The following MYO3B variants were observed in gnomAD, a reference collection of about 807,000 sequenced individuals.
The protein encoded by MYO3B is myosin-IIIb.
In MYO3B, 156 loss-of-function variants were observed where a neutral mutation model predicts 174.6. The ratio of observed to expected loss-of-function variants is 0.89; its 90% CI spans 0.78 to 1.02. The LOEUF is 1.02. MYO3B is among the 50% of genes least tolerant of loss of function. MYO3B has a pLI of 0.00. For missense variants in MYO3B, 1,632 were observed against 1,639.4 expected, an observed-to-expected ratio of 1.00 and a Z score of 0.08; for synonymous variants, 563 against 569.1, an observed-to-expected ratio of 0.99 and a Z score of 0.15.
At chr2:170,338,707 A>T (rs1171608743) in intron 8 of MYO3B, among the ~76,000 whole-genome samples, 2 of 152,126 alleles carry the variant, frequency 1.3e-5, no homozygotes, top group East Asian at 3.9e-4. Context: ...GGATCAAATG[A>T]TTCTTGTGCC....
chr2:170,195,215 C>A (rs11888002), intron 1 of MYO3B, among the ~76,000 whole-genome samples: 49,182 of 151,674 alleles, frequency 0.32, 8,224 homozygotes, highest in Non-Finnish European at 0.38. Context: ...GCATGGAAAC[C>A]CATGGCTCCA....
chr2:170,369,685 ATT>A (rs56283055), intron 9 of MYO3B, among the ~76,000 whole-genome samples: 116,690 of 147,440 alleles, frequency 0.79, 46,449 homozygotes, highest in East Asian at 0.87. Flanking sequence ...AGAAATTTGG[ATT>A]TTTTTTTTTT....
chr2:170,372,144 A>AC (rs2094253491), intron 9 of MYO3B, among the ~76,000 whole-genome samples: 1 of 127,368 alleles, frequency 7.9e-6, no homozygotes, highest in Non-Finnish European at 1.7e-5. Flanking sequence ...AAAAAAAAAA[A>AC]ACAACAACAA....
At position 170,376,193 on chromosome 2, in the gene MYO3B, G is replaced by C. The variant is rs117308824; in HGVS notation, c.972-5823G>C. Reference sequence around the variant, plus strand: ...TGAAAGACATAGCCTTAAGTTCAGGGTCAAGATACAGCTCATGTAGTTAAA... The same window carrying C: ...TGAAAGACATAGCCTTAAGTTCAGGCTCAAGATACAGCTCATGTAGTTAAA... On this transcript the variant is annotated intron_variant, in intron 9 of 34. Coordinates refer to ENST00000408978, the MANE Select transcript of MYO3B (RefSeq NM_138995.5). Among the ~76,000 whole-genome samples, 664 of 152,202 alleles carry C rather than the reference G, an allele frequency of 4.4e-3. 19 individuals are homozygous for C. The East Asian group carries it at 0.083, about 19-fold the overall frequency.
intron 12 of MYO3B, among the ~76,000 whole-genome samples, chr2:170,385,475 A>C (rs1326561364): frequency 6.6e-6 from 1 of 152,216 alleles, no homozygotes; most frequent in Admixed American, 6.5e-5. Context: ...GCTCAGTGCC[A>C]GGAACCAGGG....
At chr2:170,444,085 C>A (rs773089502) in intron 23 of MYO3B, 39 bp downstream of exon 23, 42 of 1,553,916 alleles carry the variant, frequency 2.7e-5, no homozygotes, top group Non-Finnish European at 3.4e-5. Flanking sequence ...TATGGACTGG[C>A]AGGTACTCTT....
chr2:170,404,172 A>G (rs1050217030), intron 19 of MYO3B, 75 bp from the exon 20 acceptor site: 2 of 1,444,240 alleles, frequency 1.4e-6, no homozygotes, highest in African/African-American at 2.8e-5. Context: ...AGACCCAGAA[A>G]GTCCATGTCA....
chr2:170,566,342 T>G (rs1212889570), intron 32 of MYO3B, among the ~76,000 whole-genome samples: 3 of 152,226 alleles, frequency 2.0e-5, no homozygotes, highest in African/African-American at 7.2e-5. Flanking sequence ...CAAATAAAAA[T>G]TATGAGTTCT....
intron 32 of MYO3B, among the ~76,000 whole-genome samples, chr2:170,580,989 T>C (rs766985913): frequency 7.6e-4 from 115 of 152,316 alleles, no homozygotes; most frequent in Non-Finnish European, 1.3e-3. Context: ...TGTTCTTGTA[T>C]ATATCTCTTC....
chr2:170,231,898 T>C (rs2093019697), intron 6 of MYO3B, among the ~76,000 whole-genome samples: 1 of 152,228 alleles, frequency 6.6e-6, no homozygotes, highest in African/African-American at 2.4e-5. Flanking sequence ...GGTTATTTAT[T>C]TCCACCTTAC....
chr2:170,401,802 C>CTTTTTTT lies in MYO3B; in HGVS notation c.2129+120_2129+126dup, dbSNP rs769531863. ...CCTCTCTGGGATTTTCTTTCTTTTTCTTTTTTTTTTTTTTTGTGGAGTCAG... is the reference window on the plus strand; with the variant it reads ...CCTCTCTGGGATTTTCTTTCTTTTTCTTTTTTTTTTTTTTTTTTTTTTGTGGAGTCAG... On this transcript the variant is annotated intron_variant, in intron 18 of 34. Transcript: ENST00000408978. The CTTTTTTT allele has an allele frequency of 6.0e-3, 4,192 of 695,472 alleles. 1 individual carries two copies. The highest frequency in any genetic ancestry group is 8.0e-3 in the South Asian group (396 of 49,656). 43.1% of individuals were successfully genotyped at this position (695,472 alleles called of 1,614,324 possible).
intron 23 of MYO3B, among the ~76,000 whole-genome samples, chr2:170,455,020 G>A (rs992356687): frequency 1.3e-5 from 2 of 152,094 alleles, no homozygotes; most frequent in African/African-American, 4.8e-5. Flanking sequence ...CTGTTCCATC[G>A]AGTGCCGGGT....
chr2:170,387,234 A>G lies in MYO3B; in HGVS notation c.1503A>G (p.Thr501=), dbSNP rs1350325620. ...GAAAATATCTGGAAATGATGTTTAC[A>G]CCAACTGGAGTTGTGATGGGGGCAA... ...RFGKYLEMMF[T]PTGVVMGARI... The change falls in exon 14 of 35, where the codon ACA becomes ACG. Residue 501 remains threonine (T), a synonymous_variant. Transcript: ENST00000408978. The G allele has an allele frequency of 1.2e-6, 2 of 1,614,052 alleles. No homozygotes were observed. Among genetic ancestry groups the G allele is most frequent in the South Asian group, 1.1e-5 (1 of 91,090 alleles).
chr2:170,337,846 T>A (rs1209143602), intron 8 of MYO3B: 1 of 152,220 alleles, frequency 6.6e-6, no homozygotes, highest in African/African-American at 2.4e-5. Context: ...GAAACGTGCT[T>A]ACTGTTCATT....
chr2:170,221,311 T>C (rs2092898017), intron 6 of MYO3B, among the ~76,000 whole-genome samples: 1 of 152,186 alleles, frequency 6.6e-6, no homozygotes, highest in African/African-American at 2.4e-5. Context: ...TCCTTGATCC[T>C]ATTTTATTTT....
chr2:170,181,358 T>G (rs1428965159), intron 1 of MYO3B, among the ~76,000 whole-genome samples: 5 of 152,176 alleles, frequency 3.3e-5, no homozygotes, highest in Non-Finnish European at 7.4e-5. Flanking sequence ...ATCAGTTTTT[T>G]AAATAGATAA....
rs1699169888 is a variant in MYO3B at position 170,654,288 on chromosome 2, T to C, written c.*1167T>C. On this transcript the variant is annotated 3_prime_UTR_variant, in exon 35 of 35. Coordinates refer to ENST00000408978, the MANE Select transcript of MYO3B (RefSeq NM_138995.5). Reference sequence around the variant, plus strand: ...AAAACAAAGAAGCCCTATAAGACCATTTCTCTAGAACAGATGTTCTTAATA... The same window carrying C: ...AAAACAAAGAAGCCCTATAAGACCACTTCTCTAGAACAGATGTTCTTAATA... The C allele has an allele frequency of 6.6e-6, 1 of 152,064 alleles. No individual in the cohort carries two copies. The highest frequency in any genetic ancestry group is 1.5e-5 in the Non-Finnish European group (1 of 68,008). 9.4% of individuals were successfully genotyped at this position (152,064 alleles called of 1,614,324 possible). A position where few individuals can be genotyped will look rare whatever the true frequency, so the allele number is the denominator to read the frequency against.
chr2:170,234,591 T>G (rs1174380758), intron 6 of MYO3B, among the ~76,000 whole-genome samples: 1 of 152,236 alleles, frequency 6.6e-6, no homozygotes, highest in Non-Finnish European at 1.5e-5. Flanking sequence ...AAGTCCAGTA[T>G]GAGTCTCACC....
chr2:170,593,985 T>C (rs1186492698), intron 32 of MYO3B, among the ~76,000 whole-genome samples: 1 of 152,184 alleles, frequency 6.6e-6, no homozygotes, highest in African/African-American at 2.4e-5. Context: ...GCATTCCTTC[T>C]CATCCACTTT....
Sources: gnomAD v4.1 joint callset for allele counts (sites outside exome capture counted in the v4.1 genomes callset) on GRCh38, gnomAD v4.1.1 for gene constraint, MANE v1.5 for transcripts, NCBI Gene and HGNC (gene_info 2026-07-23, HGNC 2026-07-21) for gene names.